Variants in ZNF717 observed in about 807,000 individuals in gnomAD.
ZNF717 encodes the protein zinc finger protein 717, also known as krueppel-like factor X17.
Under a neutral mutation model 13.8 loss-of-function variants are expected in ZNF717, and 9 were observed. That is an observed-to-expected ratio of 0.65 (90% CI 0.39 to 1.14). The LOEUF is 1.14. Among genes scored for constraint, ZNF717 ranks in the 50% most tolerant of loss-of-function variants. The pLI, the probability that ZNF717 is intolerant of heterozygous loss-of-function variation, is 0.01. For synonymous variants in ZNF717, 327 were observed against 364.1 expected (o/e 0.90, Z 1.16); for missense variants, 1,040 against 1,080.7 (o/e 0.96, Z 0.53).
Position 75,738,898 on chromosome 3 carries a change from T to C in ZNF717, c.725A>G (p.Tyr242Cys). ...IVQTFGKYNE[Y>C]EKACNNSAVI... ...AGCTGAGTTATTACAGGCTTTCTCA[T>C]ATTCATTATATTTACCAAAGGTCTG... Residue 242 changes from tyrosine to cysteine, a missense_variant, in exon 5 of 5, where the codon TAT (tyrosine) becomes TGT (cysteine). Physicochemically the swap from Tyr to Cys is radical, Grantham distance 194. Transcript: ENST00000652011. The C allele has an allele frequency of 6.4e-7, 1 of 1,551,534 alleles. No individual in the cohort carries two copies. The highest frequency in any genetic ancestry group is 8.7e-7 in the Non-Finnish European group (1 of 1,146,938).
chr3:75,734,620 T>C (rs1211601011), downstream of ZNF717, among the ~76,000 whole-genome samples: 3 of 149,238 alleles, frequency 2.0e-5, no homozygotes, highest in Non-Finnish European at 3.0e-5. Context: ...GTATTTTTAG[T>C]AGAGATGGGA....
At chr3:75,776,856 G>T (rs1489052024) in intron 2 of ZNF717, among the ~76,000 whole-genome samples, 2 of 152,186 alleles carry the variant, frequency 1.3e-5, no homozygotes, top group Non-Finnish European at 1.5e-5. Flanking sequence ...ATGGCATATG[G>T]AGAAAACATG....
chr3:75,744,269 T>A (rs1201469408), intron 2 of ZNF717, among the ~76,000 whole-genome samples: 8 of 152,254 alleles, frequency 5.3e-5, no homozygotes, highest in Non-Finnish European at 7.3e-5. Flanking sequence ...AGAAACACCT[T>A]CCAGGTTCCT....
At chr3:75,732,900 C>T (rs76340468), downstream of ZNF717, among the ~76,000 whole-genome samples, 2 of 151,414 alleles carry the variant, frequency 1.3e-5, no homozygotes, top group Admixed American at 6.6e-5. Context: ...GAACCAGACA[C>T]ACCTATGATA....
intron 1 of ZNF717, among the ~76,000 whole-genome samples, chr3:75,783,693 AAAAT>A (rs1944975288): frequency 6.6e-6 from 1 of 152,240 alleles, no homozygotes; most frequent in Non-Finnish European, 1.5e-5. Flanking sequence ...TAAGTTCACT[AAAAT>A]AAATGTTATA....
chr3:75,751,925 G>T (rs1476904293), intron 2 of ZNF717, among the ~76,000 whole-genome samples: 1 of 151,686 alleles, frequency 6.6e-6, no homozygotes, highest in East Asian at 1.9e-4. Context: ...ACTGCTGCTG[G>T]GATGTGAATG....
chr3:75,778,733 G>T (rs1174688285), intron 2 of ZNF717, among the ~76,000 whole-genome samples: 1 of 149,936 alleles, frequency 6.7e-6, no homozygotes, highest in Non-Finnish European at 1.5e-5. Flanking sequence ...TGTGAGTGAT[G>T]TGCAAAACCC....
At chr3:75,731,881 G>A (rs1477550986), downstream of ZNF717, among the ~76,000 whole-genome samples, 1 of 152,228 alleles carries the variant, frequency 6.6e-6, no homozygotes, top group Non-Finnish European at 1.5e-5. Flanking sequence ...AGTGAATATG[G>A]GAATTTATGG....
At position 75,768,331 on chromosome 3, in the gene ZNF717, C is replaced by T. The variant is rs1228687947; in HGVS notation, c.57+14975G>A. ...GGGGGCAGATGACAGGCCACCACAA[C>T]CTGATTCAGTCCTCACTGTGGCTGA... is the stretch of plus-strand genomic sequence containing the variant. On this transcript the variant is annotated intron_variant, in intron 2 of 4. Transcript: ENST00000652011. 2.2e-5 allele frequency among the ~76,000 whole-genome samples: 3 copies of T among 137,108 alleles called. No homozygotes were observed. In the East Asian group the frequency reaches 6.5e-4, roughly 30 times the overall value. 89.9% of individuals were successfully genotyped at this position (137,108 alleles called of 152,430 possible).
rs1166571820 is a variant in ZNF717, at chr3:75,741,667, G to C, written c.127C>G (p.Gln43Glu). ...ATCACGTCCCTGTACAGGGTCCTCTGAGCATCATCCAGGTCCTGCCACTCC... is the reference window on the plus strand; with the variant it reads ...ATCACGTCCCTGTACAGGGTCCTCTCAGCATCATCCAGGTCCTGCCACTCC... Reference protein sequence around the residue: ...WEEWQDLDDAQRTLYRDVMLE... With the variant: ...WEEWQDLDDAERTLYRDVMLE... Residue 43 changes from glutamine to glutamate, a missense_variant, in exon 3 of 5, where the codon CAG (glutamine) becomes GAG (glutamate). By Grantham distance (29) the Gln-to-Glu change is conservative. Around this residue, in one of 3 missense-constraint regions of ZNF717, gnomAD observed 123 missense variants for 177.8 expected, o/e 0.69. Coordinates refer to ENST00000652011, the MANE Select transcript of ZNF717 (RefSeq NM_001290208.3). 1.9e-6 allele frequency: 3 copies of C among 1,598,528 alleles called. No individual in the cohort carries two copies. In the East Asian group the frequency reaches 6.8e-5, roughly 36 times the overall value.
intron 4 of ZNF717, among the ~76,000 whole-genome samples, chr3:75,724,812 AAG>A (rs1181820175): frequency 2.1e-5 from 3 of 145,912 alleles, no homozygotes; most frequent in African/African-American, 7.6e-5. Flanking sequence ...ACAAGCGAAA[AAG>A]ACAAGTAACA....
chr3:75,734,059 C>T (rs1393242865), downstream of ZNF717, among the ~76,000 whole-genome samples: 1 of 151,832 alleles, frequency 6.6e-6, no homozygotes, highest in Non-Finnish European at 1.5e-5. Context: ...ACTGAACCTA[C>T]ATTTTATTTA....
intron 2 of ZNF717, among the ~76,000 whole-genome samples, chr3:75,774,144 T>C (rs529750180): frequency 6.7e-6 from 1 of 149,250 alleles, no homozygotes; most frequent in African/African-American, 2.5e-5. Context: ...TTTCAGGTAA[T>C]ATTAAAAAAT....
chr3:75,711,129 G>C (rs75902382), exon 6 of ZNF717: 1 of 152,158 alleles, frequency 6.6e-6, no homozygotes. Context: ...GTTTTCAATG[G>C]TATTCTGTTT....
chr3:75,775,521 T>C (rs1944241794), intron 2 of ZNF717, among the ~76,000 whole-genome samples: 2 of 152,178 alleles, frequency 1.3e-5, no homozygotes, highest in African/African-American at 4.8e-5. Context: ...ATATTCCCCA[T>C]AAGTTCCCCG....
intron 5 of ZNF717, among the ~76,000 whole-genome samples, chr3:75,711,818 A>G (rs11923235): frequency 1.4e-3 from 209 of 152,340 alleles, no homozygotes; most frequent in African/African-American, 4.9e-3. Context: ...GTTTTGGACT[A>G]CAGCAGATTG....
chr3:75,765,035 A>ATATATATATATG (rs1559662069), intron 2 of ZNF717, among the ~76,000 whole-genome samples: 2 of 81,774 alleles, frequency 2.4e-5, no homozygotes, highest in Admixed American at 1.3e-4. Flanking sequence ...ATATATGTAT[A>ATATATATATATG]TGTGTGTGTG....
intron 2 of ZNF717, among the ~76,000 whole-genome samples, chr3:75,755,750 A>C (rs1196485869): frequency 6.6e-6 from 1 of 152,282 alleles, no homozygotes; most frequent in Non-Finnish European, 1.5e-5. Flanking sequence ...GCTAAGAAAG[A>C]CAGGGAAAAT....
rs78049013 is a variant in ZNF717, at chr3:75,780,730, C to T, written c.57+2576G>A. On this transcript the variant is annotated intron_variant, in intron 2 of 4. Coordinates refer to ENST00000652011, the MANE Select transcript of ZNF717 (RefSeq NM_001290208.3). ...GAGGAATTTTTTAAGCAAAATTATG[C>T]GAGGCCATTGTTTTAAACTAAGCTC... Among the ~76,000 whole-genome samples, 18 of 143,030 alleles carry T rather than the reference C, an allele frequency of 1.3e-4. No homozygotes were observed. The South Asian group carries it at 2.5e-3, about 20-fold the overall frequency. 93.8% of individuals were successfully genotyped at this position (143,030 alleles called of 152,430 possible).
Sources: allele counts gnomAD v4.1 joint callset (sites outside exome capture counted in the v4.1 genomes callset), GRCh38; gene constraint gnomAD v4.1.1; regional missense constraint gnomAD v4.1.1; transcripts MANE v1.5; gene names NCBI Gene and HGNC (gene_info 2026-07-23, HGNC 2026-07-21).